EDIL3: variants seen among roughly 807,000 people sequenced by gnomAD.
The protein encoded by EDIL3 is EGF-like repeat and discoidin I-like domain-containing protein 3.
A neutral mutation model predicts 67.4 loss-of-function variants in EDIL3; 37 were observed. The observed-to-expected ratio is 0.55, with a 90% CI of 0.42 to 0.72. The LOEUF (loss-of-function observed/expected upper bound fraction) is 0.72. Among genes scored for constraint, EDIL3 ranks in the 30% least tolerant of loss-of-function variants. The probability of loss-of-function intolerance (pLI) is 0.00; values close to 1 mark genes in which losing one functional copy is unlikely to be tolerated. For synonymous variants in EDIL3, 195 were observed against 196.3 expected (o/e 0.99, Z 0.05); for missense variants, 527 against 586.3 (o/e 0.90, Z 1.04).
chr5:84,187,299 C>A (rs968565809), intron 3 of EDIL3, among the ~76,000 whole-genome samples: 1 of 152,068 alleles, frequency 6.6e-6, no homozygotes, highest in African/African-American at 2.4e-5. Flanking sequence ...TATCTCCTCA[C>A]AATTCCAATA....
At chr5:83,958,903 A>C (rs887385316) in intron 10 of EDIL3, among the ~76,000 whole-genome samples, 1 of 151,386 alleles carries the variant, frequency 6.6e-6, no homozygotes, top group African/African-American at 2.4e-5. Flanking sequence ...GAAATATAAA[A>C]GTTAGTTAAA....
intron 9 of EDIL3, among the ~76,000 whole-genome samples, chr5:84,005,309 C>T (rs1337892079): frequency 1.3e-5 from 2 of 151,982 alleles, no homozygotes; most frequent in Non-Finnish European, 2.9e-5. Context: ...GAAGGAGGGA[C>T]TCCTATCTAA....
rs138621067 is a variant in EDIL3, at chr5:84,333,521, A to G, written c.67+50787T>C. Among the ~76,000 whole-genome samples, 780 of 152,280 alleles carry G rather than the reference A, an allele frequency of 5.1e-3. 9 individuals are homozygous for G. Among genetic ancestry groups the G allele is most frequent in the Non-Finnish European group, 5.2e-3 (354 of 67,998 alleles). On this transcript the variant is annotated intron_variant, in intron 1 of 10. Coordinates refer to ENST00000296591, the MANE Select transcript of EDIL3 (RefSeq NM_005711.5). ...GAAGAGTTACTTGGAAGTGAAAGAT[A>G]AATTTCTATGTCAAAAGTAATAAAT...
chr5:84,344,785 T>A (rs1747203855), intron 1 of EDIL3, among the ~76,000 whole-genome samples: 1 of 152,172 alleles, frequency 6.6e-6, no homozygotes, highest in Non-Finnish European at 1.5e-5. Context: ...CTAGAAATTT[T>A]AAAACTAAAC....
intron 1 of EDIL3, among the ~76,000 whole-genome samples, chr5:84,307,057 T>C (rs541376090): frequency 6.6e-6 from 1 of 152,314 alleles, no homozygotes; most frequent in East Asian, 1.9e-4. Flanking sequence ...AGAAAAGACA[T>C]AAATGATACT....
At chr5:84,059,947 C>T (rs1641844478) in intron 9 of EDIL3, among the ~76,000 whole-genome samples, 1 of 152,000 alleles carries the variant, frequency 6.6e-6, no homozygotes, top group African/African-American at 2.4e-5. Context: ...ATTTCAATGC[C>T]CTTTGGATTC....
At chr5:84,052,730 G>A (rs1265106545) in intron 9 of EDIL3, among the ~76,000 whole-genome samples, 2 of 152,142 alleles carry the variant, frequency 1.3e-5, no homozygotes, top group African/African-American at 4.8e-5. Flanking sequence ...ACATAACGGT[G>A]AAGGAATCAA....
At chr5:84,125,641 T>A (rs1175441538) in intron 5 of EDIL3, among the ~76,000 whole-genome samples, 2 of 151,968 alleles carry the variant, frequency 1.3e-5, no homozygotes, top group African/African-American at 2.4e-5. Flanking sequence ...TTTCACTAAG[T>A]TAACAGGCGG....
chr5:84,380,767 T>C (rs1437468693), intron 1 of EDIL3, among the ~76,000 whole-genome samples: 1 of 152,086 alleles, frequency 6.6e-6, no homozygotes, highest in Non-Finnish European at 1.5e-5. Flanking sequence ...AATTAACAGC[T>C]GGTACTACTA....
At chr5:84,375,921 A>G (rs1219698803) in intron 1 of EDIL3, among the ~76,000 whole-genome samples, 2 of 152,202 alleles carry the variant, frequency 1.3e-5, no homozygotes, top group Non-Finnish European at 1.5e-5. Context: ...TCCCAAGAGA[A>G]TAAGTATAAT....
At chr5:84,175,167 C>T (rs1013384638) in intron 4 of EDIL3, among the ~76,000 whole-genome samples, 2 of 152,074 alleles carry the variant, frequency 1.3e-5, no homozygotes, top group African/African-American at 4.8e-5. Context: ...TTTGGCCTCT[C>T]GAACCTTGTG....
chr5:84,001,162 T>C (rs1745323609), intron 9 of EDIL3, among the ~76,000 whole-genome samples: 1 of 152,158 alleles, frequency 6.6e-6, no homozygotes, highest in Admixed American at 6.6e-5. Context: ...TTCTCCTGCC[T>C]CAGCCTCCTA....
At chr5:84,339,272 T>C (rs567080710) in intron 1 of EDIL3, among the ~76,000 whole-genome samples, 3 of 152,264 alleles carry the variant, frequency 2.0e-5, no homozygotes, top group African/African-American at 7.2e-5. Flanking sequence ...CTCTACTTCA[T>C]AGGGCAGTAG....
intron 1 of EDIL3, among the ~76,000 whole-genome samples, chr5:84,314,597 G>A (rs1746472817): frequency 6.6e-6 from 1 of 152,118 alleles, no homozygotes; most frequent in Non-Finnish European, 1.5e-5. Context: ...ACCTTTGCGG[G>A]AAAGAACATC....
At chr5:84,110,752 T>C (rs1747548181) in intron 5 of EDIL3, among the ~76,000 whole-genome samples, 1 of 152,244 alleles carries the variant, frequency 6.6e-6, no homozygotes, top group African/African-American at 2.4e-5. Flanking sequence ...CTCGGATCTT[T>C]TCCTTCTGCT....
rs143189269 is a variant in EDIL3, at chr5:84,292,914, C to T, written c.68-38702G>A. On this transcript the variant is annotated intron_variant, in intron 1 of 10. Coordinates refer to ENST00000296591, the MANE Select transcript of EDIL3 (RefSeq NM_005711.5). Reference sequence around the variant, plus strand: ...ACAACAGGTAATTTATCTCCTAGCACGCAAGTCCCTCCCCTAGTTCCTCAT... The same window carrying T: ...ACAACAGGTAATTTATCTCCTAGCATGCAAGTCCCTCCCCTAGTTCCTCAT... Among the ~76,000 whole-genome samples, 126 of 152,254 alleles carry T rather than the reference C, an allele frequency of 8.3e-4. 1 individual carries two copies. The highest frequency in any genetic ancestry group is 2.7e-3 in the African/African-American group (114 of 41,556).
intron 1 of EDIL3, among the ~76,000 whole-genome samples, chr5:84,377,125 G>C (rs1422951977): frequency 6.6e-6 from 1 of 152,114 alleles, no homozygotes; most frequent in Non-Finnish European, 1.5e-5. Flanking sequence ...AGGAGATTGA[G>C]ACCACCCTGG....
At chr5:84,317,984 T>C (rs1054278925) in intron 1 of EDIL3, among the ~76,000 whole-genome samples, 1 of 152,138 alleles carries the variant, frequency 6.6e-6, no homozygotes, top group African/African-American at 2.4e-5. Flanking sequence ...AAAAAATCAA[T>C]GTGCAAAAAC....
At chr5:84,264,764 A>C (rs1409170516) in intron 1 of EDIL3, among the ~76,000 whole-genome samples, 2 of 152,190 alleles carry the variant, frequency 1.3e-5, no homozygotes, top group Non-Finnish European at 2.9e-5. Flanking sequence ...GCTGTATATA[A>C]ATAATGCAGC....
Sources: gnomAD v4.1 joint callset for allele counts (sites outside exome capture counted in the v4.1 genomes callset) on GRCh38, gnomAD v4.1.1 for gene constraint, MANE v1.5 for transcripts, NCBI Gene and HGNC (gene_info 2026-07-23, HGNC 2026-07-21) for gene names.